The following FAM118A variants were observed in gnomAD, a reference collection of about 807,000 sequenced individuals.
FAM118A encodes SIR2 antiphage like 2, also known as protein FAM118A.
A neutral mutation model predicts 38.2 loss-of-function variants in FAM118A; 25 were observed. The observed-to-expected ratio is 0.65, with a 90% CI of 0.48 to 0.91. FAM118A has a LOEUF of 0.91. Among genes scored for constraint, FAM118A ranks in the 40% least tolerant of loss-of-function variants. The probability of loss-of-function intolerance (pLI) is 0.00; values close to 1 mark genes in which losing one functional copy is unlikely to be tolerated. For missense variants in FAM118A, 425 were observed against 463.3 expected (o/e 0.92, Z 0.76); for synonymous variants, 178 against 184.1 (o/e 0.97, Z 0.27).
rs1028141582 is a variant in FAM118A at position 45,330,638 on chromosome 22, C to T, written c.558C>T (p.Gly186=). Residue 186 remains glycine (G), a synonymous_variant, in exon 5 of 9, where the codon GGC becomes GGT. Coordinates refer to ENST00000441876, the MANE Select transcript of FAM118A (RefSeq NM_017911.4). Reference sequence around the variant, plus strand: ...GGGCAAGAGGGCACATGAAGTACGGCGTCCTCCACATTCACGGCCTCTACA... The same window carrying T: ...GGGCAAGAGGGCACATGAAGTACGGTGTCCTCCACATTCACGGCCTCTACA... The part of the protein sequence containing the change: ...LEWARGHMKY[G]VLHIHGLYTD... The T allele has an allele frequency of 1.5e-5, 23 of 1,585,250 alleles. No homozygotes were observed. The highest frequency in any genetic ancestry group is 7.4e-5 in the Admixed American group (4 of 54,280).
intron 6 of FAM118A, among the ~76,000 whole-genome samples, chr22:45,333,125 C>G (rs2085843608): frequency 6.6e-6 from 1 of 152,176 alleles, no homozygotes; most frequent in African/African-American, 2.4e-5. Flanking sequence ...CCACATACCC[C>G]TAAAATTCAC....
chr22:45,316,359 G>T (rs1239150763), intron 1 of FAM118A, among the ~76,000 whole-genome samples: 1 of 152,028 alleles, frequency 6.6e-6, no homozygotes, highest in South Asian at 2.1e-4. Context: ...GATTTCTGCC[G>T]CCACACTCTT....
At chr22:45,318,411 A>C (rs1326436598) in intron 1 of FAM118A, 1 of 152,046 alleles carries the variant, frequency 6.6e-6, no homozygotes, top group East Asian at 1.9e-4. Context: ...AAGGCCTCCG[A>C]AGGGTTTTGT....
intron 4 of FAM118A, chr22:45,328,407 G>A (rs745419917): frequency 3.4e-6 from 4 of 1,164,122 alleles, no homozygotes; most frequent in Non-Finnish European, 4.0e-6. Context: ...GGCTGGGGCT[G>A]CGGGCAGCCT....
intron 1 of FAM118A, among the ~76,000 whole-genome samples, chr22:45,312,222 G>A (rs565656986): frequency 2.6e-5 from 4 of 152,184 alleles, no homozygotes; most frequent in Non-Finnish European, 4.4e-5. Context: ...TTCCAATTCA[G>A]TTCTGATACT....
At chr22:45,321,986 G>A (rs907389554) in intron 1 of FAM118A, 5 of 331,602 alleles carry the variant, frequency 1.5e-5, no homozygotes, top group African/African-American at 1.1e-4. Flanking sequence ...GCCGCTTGCT[G>A]TGTTTTGCTT....
intron 1 of FAM118A, among the ~76,000 whole-genome samples, chr22:45,319,661 C>G (rs1389773145): frequency 6.6e-6 from 1 of 151,938 alleles, no homozygotes. Context: ...GGGGTGGGGT[C>G]CAGAGTTGCT....
intron 1 of FAM118A, among the ~76,000 whole-genome samples, chr22:45,311,585 C>T (rs1212587372): frequency 6.6e-6 from 1 of 152,018 alleles, no homozygotes; most frequent in Non-Finnish European, 1.5e-5. Context: ...CCAGTCAGGA[C>T]CAAAGCATGC....
chr22:45,333,687 A>AG (rs2085886552), intron 6 of FAM118A, among the ~76,000 whole-genome samples: 1 of 151,212 alleles, frequency 6.6e-6, no homozygotes, highest in African/African-American at 2.4e-5. Context: ...AAAAAAAAAA[A>AG]AAAAAGAGCT....
At chr22:45,324,674 GTAC>G (rs2146645164) in intron 3 of FAM118A, among the ~76,000 whole-genome samples, 1 of 152,328 alleles carries the variant, frequency 6.6e-6, no homozygotes, top group South Asian at 2.1e-4. Context: ...TTTACGTATA[GTAC>G]GTGGCTGCTT....
intron 1 of FAM118A, among the ~76,000 whole-genome samples, chr22:45,317,441 C>G (rs1601886585): frequency 6.6e-6 from 1 of 152,202 alleles, no homozygotes; most frequent in South Asian, 2.1e-4. Flanking sequence ...CTGGACACTT[C>G]CAGTTGATGG....
At chr22:45,321,180 G>T (rs1031156776) in intron 1 of FAM118A, among the ~76,000 whole-genome samples, 3 of 151,982 alleles carry the variant, frequency 2.0e-5, no homozygotes, top group Admixed American at 2.0e-4. Flanking sequence ...GCAGTGGCGC[G>T]ATCTCAGCTC....
chr22:45,325,304 G>A (rs145250190), intron 3 of FAM118A, among the ~76,000 whole-genome samples: 155 of 152,316 alleles, frequency 1.0e-3, no homozygotes, highest in East Asian at 4.6e-3. Flanking sequence ...GAAGCGTTGA[G>A]GTGAGGCTGT....
chr22:45,323,050 T>C, intron 2 of FAM118A, 125 bp from the exon 3 acceptor site: 1 of 951,576 alleles, frequency 1.1e-6, no homozygotes, highest in Non-Finnish European at 1.6e-6. Flanking sequence ...ACTGTGTGTG[T>C]GTGTGTGTGT....
At chr22:45,331,020 G>T (rs181758271) in intron 5 of FAM118A, among the ~76,000 whole-genome samples, 25 of 152,298 alleles carry the variant, frequency 1.6e-4, no homozygotes, top group Non-Finnish European at 2.5e-4. Context: ...TAGGAGCCCT[G>T]GCCATTTGGT....
intron 1 of FAM118A, chr22:45,318,876 AGACCT>A (rs1286469355): frequency 6.6e-6 from 1 of 152,230 alleles, no homozygotes; most frequent in Non-Finnish European, 1.5e-5. Flanking sequence ...AGCCAGCACC[AGACCT>A]GCAGTTCAGG....
intron 8 of FAM118A, chr22:45,337,848 C>A: frequency 1.0e-6 from 1 of 985,430 alleles, no homozygotes; most frequent in Non-Finnish European, 1.2e-6. Flanking sequence ...CTGTGCCATC[C>A]TCATGCTCGC....
In FAM118A at chr22:45,332,802, A is replaced by C. The variant is rs11913477; in HGVS notation, c.937+92A>C. The C allele has an allele frequency of 1.2e-3, 1,628 of 1,373,650 alleles. 17 individuals carry two copies. In the African/African-American group the frequency reaches 0.021, roughly 18 times the overall value. 85.1% of individuals were successfully genotyped at this position (1,373,650 alleles called of 1,614,324 possible). A position where few individuals can be genotyped will look rare whatever the true frequency, so the allele number is the denominator to read the frequency against. ...GCTCTTGTTGCCCAGGCTGGAGTGC[A>C]ATGGCACCATCTTGGCTCACCACAA... On this transcript the variant is annotated intron_variant, in intron 6 of 8. Coordinates refer to ENST00000441876, the MANE Select transcript of FAM118A (RefSeq NM_017911.4).
upstream of FAM118A, chr22:45,309,147 G>C (rs1046440409): frequency 1.3e-5 from 2 of 152,240 alleles, no homozygotes; most frequent in African/African-American, 4.8e-5. Flanking sequence ...AGGAGTCAGG[G>C]GGCCTCGCCG....
Sources: allele counts gnomAD v4.1 joint callset (sites outside exome capture counted in the v4.1 genomes callset), GRCh38; gene constraint gnomAD v4.1.1; transcripts MANE v1.5; gene names NCBI Gene and HGNC (gene_info 2026-07-23, HGNC 2026-07-21).